NLGN1: variants seen among roughly 807,000 people sequenced by gnomAD.
NLGN1 encodes neuroligin-1.
Under a neutral mutation model 65.5 loss-of-function variants are expected in NLGN1, and 12 were observed. The ratio of observed to expected loss-of-function variants is 0.18; its 90% CI spans 0.12 to 0.30. The LOEUF (loss-of-function observed/expected upper bound fraction) is 0.30. Among genes scored for constraint, NLGN1 ranks in the 10% least tolerant of loss-of-function variants. The pLI is 1.00. For missense variants in NLGN1, 750 were observed against 1,007.1 expected (o/e 0.74, Z 3.46); for synonymous variants, 350 against 359.5 (o/e 0.97, Z 0.30).
At chr3:174,193,021 T>G (rs1458966564) in intron 4 of NLGN1, among the ~76,000 whole-genome samples, 1 of 152,104 alleles carries the variant, frequency 6.6e-6, no homozygotes, top group Non-Finnish European at 1.5e-5. Flanking sequence ...ATTAAAGCAC[T>G]TATTACATTG....
chr3:173,539,838 TTA>T (rs965059361), intron 2 of NLGN1, among the ~76,000 whole-genome samples: 18 of 134,054 alleles, frequency 1.3e-4, no homozygotes, highest in Admixed American at 3.0e-4. Context: ...TGTATATATG[TTA>T]TATATATTAT....
intron 4 of NLGN1, among the ~76,000 whole-genome samples, chr3:174,123,993 T>C (rs938745748): frequency 2.0e-5 from 3 of 151,940 alleles, no homozygotes; most frequent in Non-Finnish European, 2.9e-5. Context: ...AGAGGTAGGG[T>C]CTTTAGGAGA....
At chr3:173,733,227 G>C (rs1461075213) in intron 3 of NLGN1, among the ~76,000 whole-genome samples, 1 of 152,244 alleles carries the variant, frequency 6.6e-6, no homozygotes. Context: ...TGAACCAGCA[G>C]GTGGTGCTTG....
chr3:174,281,189 C>T (rs539782872), exon 7 of NLGN1: 6 of 1,613,202 alleles, frequency 3.7e-6, no homozygotes, highest in Non-Finnish European at 5.1e-6. Context: ...TGATTCCCAA[C>T]ACTATACCAG....
At chr3:174,078,299 A>G (rs1025223527) in intron 4 of NLGN1, among the ~76,000 whole-genome samples, 23 of 152,230 alleles carry the variant, frequency 1.5e-4, no homozygotes, top group Admixed American at 3.3e-4. Context: ...CATTATGTCA[A>G]TGTAGTTCCC....
chr3:173,671,696 T>C (rs1204203242), intron 3 of NLGN1, among the ~76,000 whole-genome samples: 1 of 152,120 alleles, frequency 6.6e-6, no homozygotes, highest in East Asian at 1.9e-4. Context: ...GAAATCACAT[T>C]TGACAGGTGA....
intron 2 of NLGN1, among the ~76,000 whole-genome samples, chr3:173,559,359 A>G (rs930551327): frequency 2.0e-5 from 3 of 152,172 alleles, no homozygotes; most frequent in African/African-American, 7.2e-5. Context: ...CTTATCCCTG[A>G]AAAGTCTCCC....
intron 2 of NLGN1, among the ~76,000 whole-genome samples, chr3:173,569,692 G>A (rs1744313404): frequency 6.6e-6 from 1 of 151,526 alleles, no homozygotes; most frequent in East Asian, 1.9e-4. Flanking sequence ...AAAGATTAGG[G>A]TGCTTAATGT....
intron 4 of NLGN1, among the ~76,000 whole-genome samples, chr3:173,918,337 T>G (rs940431393): frequency 6.6e-6 from 1 of 152,002 alleles, no homozygotes; most frequent in Non-Finnish European, 1.5e-5. Context: ...ACACCGGAAT[T>G]TTAAAATGCA....
intron 4 of NLGN1, among the ~76,000 whole-genome samples, chr3:174,125,479 G>GCTTTGTAA (rs1163340213): frequency 1.3e-5 from 2 of 152,078 alleles, no homozygotes; most frequent in Non-Finnish European, 2.9e-5. Flanking sequence ...TACAAAGCTA[G>GCTTTGTAA]AGGGAAGTAA....
At chr3:174,254,453 T>G (rs1043664659) in intron 4 of NLGN1, among the ~76,000 whole-genome samples, 1 of 152,046 alleles carries the variant, frequency 6.6e-6, no homozygotes. Context: ...TGCATCTAAC[T>G]TGAGACTTTT....
At chr3:173,656,698 G>A (rs1244091773) in intron 3 of NLGN1, among the ~76,000 whole-genome samples, 3 of 152,060 alleles carry the variant, frequency 2.0e-5, no homozygotes, top group Admixed American at 6.6e-5. Context: ...TTGTTAAAAT[G>A]TACATTCCAG....
At chr3:173,397,544 G>GC (rs1376628231), upstream of NLGN1, among the ~76,000 whole-genome samples, 1 of 149,730 alleles carries the variant, frequency 6.7e-6, no homozygotes, top group African/African-American at 2.5e-5. Flanking sequence ...CTCCACTCCT[G>GC]CCCCCTCTGT....
Position 173,492,952 on chromosome 3 carries a change from C to T in NLGN1, c.-321+57874C>T, listed in dbSNP as rs779771924. On this transcript the variant is annotated intron_variant, in intron 2 of 6. Coordinates refer to ENST00000457714, the Ensembl canonical transcript of NLGN1. Reference sequence around the variant, plus strand: ...GGGTAGAAGGAATTTTCTGGATATTCGAGTCTATCCTCTAGCTCCAGGTCA... The same window carrying T: ...GGGTAGAAGGAATTTTCTGGATATTTGAGTCTATCCTCTAGCTCCAGGTCA... Among the ~76,000 whole-genome samples the T allele has an allele frequency of 1.3e-4, 19 of 151,600 alleles. 1 individual carries two copies. Among genetic ancestry groups the T allele is most frequent in the Admixed American group, 7.2e-4 (11 of 15,216 alleles).
intron 4 of NLGN1, among the ~76,000 whole-genome samples, chr3:173,883,576 T>C (rs1301140839): frequency 2.0e-5 from 3 of 152,174 alleles, no homozygotes; most frequent in African/African-American, 7.2e-5. Context: ...CTTCAGTTTA[T>C]ATAAAAAAAT....
intron 4 of NLGN1, among the ~76,000 whole-genome samples, chr3:173,919,090 G>GT (rs1346577534): frequency 1.3e-5 from 2 of 152,196 alleles, no homozygotes; most frequent in Admixed American, 6.5e-5. Flanking sequence ...AAGGACTCCT[G>GT]TGATTATATT....
chr3:173,512,387 G>A (rs1296454980), intron 2 of NLGN1, among the ~76,000 whole-genome samples: 1 of 152,152 alleles, frequency 6.6e-6, no homozygotes, highest in African/African-American at 2.4e-5. Flanking sequence ...AGGGGAGCTG[G>A]AAAGGGGACA....
rs375806238 is a variant in NLGN1, at chr3:173,812,592, G to A, written c.646+4760G>A. 1.1e-4 allele frequency among the ~76,000 whole-genome samples: 16 copies of A among 151,898 alleles called. No individual in the cohort carries two copies. In the South Asian group the frequency reaches 3.1e-3, roughly 30 times the overall value. On this transcript the variant is annotated intron_variant, in intron 4 of 6. Coordinates refer to ENST00000457714, the Ensembl canonical transcript of NLGN1. ...AAAATTTTCAAAAAATTAGCCAGGTGTGGTGGCACATGCTTGTATTCCGGG... is the reference window on the plus strand; with the variant it reads ...AAAATTTTCAAAAAATTAGCCAGGTATGGTGGCACATGCTTGTATTCCGGG...
intron 3 of NLGN1, among the ~76,000 whole-genome samples, chr3:173,643,314 G>T (rs1255194146): frequency 2.6e-5 from 4 of 152,128 alleles, no homozygotes; most frequent in Admixed American, 2.6e-4. Flanking sequence ...TACATCTATA[G>T]ATCCCAGAAG....
Sources: allele counts gnomAD v4.1 joint callset (sites outside exome capture counted in the v4.1 genomes callset), GRCh38; gene constraint gnomAD v4.1.1; transcripts MANE v1.5; gene names NCBI Gene and HGNC (gene_info 2026-07-23, HGNC 2026-07-21).